Variants in ASXL3 observed in about 807,000 individuals in gnomAD.
ASXL3 encodes putative Polycomb group protein ASXL3.
ASXL3 carries 34 observed loss-of-function variants against 170.6 expected under a neutral mutation model. The observed-to-expected ratio is 0.20, with a 90% CI of 0.15 to 0.27. The LOEUF (loss-of-function observed/expected upper bound fraction) is 0.27. ASXL3 is among the 10% of genes least tolerant of loss of function. The pLI, the probability that ASXL3 is intolerant of heterozygous loss-of-function variation, is 1.00. For missense variants in ASXL3, 2,592 were observed against 2,695.3 expected, an observed-to-expected ratio of 0.96 and a Z score of 0.85; for synonymous variants, 1,002 against 989.1, an observed-to-expected ratio of 1.01 and a Z score of -0.24.
chr18:33,722,084 C>T (rs1371128859), intron 8 of ASXL3, among the ~76,000 whole-genome samples: 1 of 152,018 alleles, frequency 6.6e-6, no homozygotes, highest in Non-Finnish European at 1.5e-5. Flanking sequence ...TAAATGTGTT[C>T]CGACTGTTTA....
rs1398025678 is a variant in ASXL3 at position 33,661,666 on chromosome 18, C to G, written c.406C>G (p.Leu136Val). 1.2e-6 allele frequency: 2 copies of G among 1,612,568 alleles called. No homozygotes were observed. The highest frequency in any genetic ancestry group is 1.7e-6 in the Non-Finnish European group (2 of 1,179,176). ...AGCATCTTCCACTCGAGATTCAAGCCTTACTAACACAGCAGTGCAAAGCAA... is the reference window on the plus strand; with the variant it reads ...AGCATCTTCCACTCGAGATTCAAGCGTTACTAACACAGCAGTGCAAAGCAA... The part of the protein sequence containing the change: ...DEASSTRDSS[L>V]TNTAVQSKLV... Residue 136 changes from leucine (L) to valine (V), a missense_variant, in exon 5 of 12, where the codon CTT becomes GTT. Transcript: ENST00000269197.
intron 8 of ASXL3, among the ~76,000 whole-genome samples, chr18:33,729,024 A>G (rs1448906548): frequency 6.6e-6 from 1 of 152,160 alleles, no homozygotes; most frequent in East Asian, 1.9e-4. Context: ...GGCCTATGGT[A>G]CATTTACTGG....
chr18:33,610,139 CT>C (rs1032463174), intron 2 of ASXL3, among the ~76,000 whole-genome samples: 2 of 151,980 alleles, frequency 1.3e-5, no homozygotes, highest in African/African-American at 4.8e-5. Flanking sequence ...TGTTTTGTTA[CT>C]TTCCAAGTTT....
rs1403049108 is a variant in ASXL3 at position 33,646,412 on chromosome 18, C to A, written c.355+59C>A. 22 of 1,203,148 alleles carry A rather than the reference C, an allele frequency of 1.8e-5. No individual in the cohort carries two copies. In the Admixed American group the frequency reaches 4.5e-4, roughly 24 times the overall value. The allele number at this position is 1,203,148 out of a possible 1,614,324, so 74.5% of individuals were successfully genotyped here. On this transcript the variant is annotated intron_variant, in intron 4 of 11. Transcript: ENST00000269197. ...GTTCTCTTAAAAGTTATATAGAATG[C>A]CAATGATTCATTAATTGAATTTCCC...
Position 33,744,318 on chromosome 18 carries a change from C to T in ASXL3, c.4470C>T (p.Ser1490=), listed in dbSNP as rs185893902. ...TLTSSLSLTV[S]VESSEASLDL... Reference sequence around the variant, plus strand: ...CCTCCAGTTTGTCTCTGACTGTCTCCGTTGAAAGCTCAGAAGCCAGCTTGG... The same window carrying T: ...CCTCCAGTTTGTCTCTGACTGTCTCTGTTGAAAGCTCAGAAGCCAGCTTGG... The change falls in exon 12 of 12, where the codon TCC becomes TCT. Residue 1490 remains serine (S), a synonymous_variant. Coordinates refer to ENST00000269197, the MANE Select transcript of ASXL3 (RefSeq NM_030632.3). 7.0e-4 allele frequency: 1,123 copies of T among 1,613,966 alleles called. No homozygotes were observed. The highest frequency in any genetic ancestry group is 8.9e-4 in the Non-Finnish European group (1,047 of 1,179,890).
At chr18:33,640,789 A>G (rs2145191773) in intron 2 of ASXL3, among the ~76,000 whole-genome samples, 2 of 152,090 alleles carry the variant, frequency 1.3e-5, no homozygotes, top group East Asian at 3.9e-4. Flanking sequence ...GTTTATATTA[A>G]TTTATATTAA....
At chr18:33,596,022 GTCT>G (rs1005083089) in intron 1 of ASXL3, among the ~76,000 whole-genome samples, 6 of 151,882 alleles carry the variant, frequency 4.0e-5, no homozygotes, top group Non-Finnish European at 7.4e-5. Context: ...TCAATTCATT[GTCT>G]TCTTTTTTTT....
chr18:33,655,656 A>G (rs1396801296), intron 4 of ASXL3, among the ~76,000 whole-genome samples: 1 of 152,074 alleles, frequency 6.6e-6, no homozygotes, highest in Non-Finnish European at 1.5e-5. Context: ...GAGTTCAGGA[A>G]TGGTTTAATT....
At chr18:33,656,382 CCTT>C (rs1277024415) in intron 4 of ASXL3, among the ~76,000 whole-genome samples, 9 of 152,026 alleles carry the variant, frequency 5.9e-5, no homozygotes, top group Admixed American at 5.9e-4. Context: ...CTGCACCCCT[CCTT>C]GTCTTTATTA....
rs2065896444 is a variant in ASXL3 at position 33,644,878 on chromosome 18, CA to C, written c.138-15del. ...TACCTCAGACTGCTTCATTTTTGCACACTTTTATTTTCTAGTGGAACCTCTC... is the reference window on the plus strand; with the variant it reads ...TACCTCAGACTGCTTCATTTTTGCACCTTTTATTTTCTAGTGGAACCTCTC... On this transcript the variant is annotated splice_polypyrimidine_tract_variant and intron_variant, in intron 2 of 11. Coordinates refer to ENST00000269197, the MANE Select transcript of ASXL3 (RefSeq NM_030632.3). The C allele has an allele frequency of 6.6e-7, 1 of 1,509,760 alleles. No homozygotes were observed. The highest frequency in any genetic ancestry group is 1.2e-5 in the South Asian group (1 of 81,432). 93.5% of individuals were successfully genotyped at this position (1,509,760 alleles called of 1,614,324 possible).
intron 2 of ASXL3, among the ~76,000 whole-genome samples, chr18:33,611,187 T>C (rs1333663832): frequency 6.6e-6 from 1 of 152,066 alleles, no homozygotes; most frequent in African/African-American, 2.4e-5. Flanking sequence ...CATCTTCATA[T>C]TATTGATGAA....
intron 8 of ASXL3, among the ~76,000 whole-genome samples, chr18:33,712,470 C>T (rs1224641584): frequency 1.3e-5 from 2 of 152,146 alleles, no homozygotes; most frequent in Admixed American, 6.6e-5. Context: ...AGGAGCCAGT[C>T]ATTTAATCTC....
chr18:33,686,282 C>A (rs2066595855), intron 8 of ASXL3, among the ~76,000 whole-genome samples: 1 of 152,138 alleles, frequency 6.6e-6, no homozygotes, highest in South Asian at 2.1e-4. Flanking sequence ...GGAAGAATAA[C>A]AGAAGGGAGA....
chr18:33,707,434 T>TAAA (rs2066979631), intron 8 of ASXL3, among the ~76,000 whole-genome samples: 2 of 151,962 alleles, frequency 1.3e-5, no homozygotes, highest in Non-Finnish European at 2.9e-5. Context: ...AGTACATCAT[T>TAAA]TGATCAATTT....
Position 33,679,977 on chromosome 18 carries a change from T to C in ASXL3, c.716-3428T>C, listed in dbSNP as rs2066489062. On this transcript the variant is annotated intron_variant, in intron 7 of 11. Transcript: ENST00000269197. ...GTTGATGGTTTTCATTATTCTTTTC[T>C]GTTTAACGAATGTCTGCTTTTTTCT... Among the ~76,000 whole-genome samples the C allele has an allele frequency of 2.0e-5, 3 of 152,004 alleles. No homozygotes were observed. The South Asian group carries it at 6.2e-4, about 31-fold the overall frequency.
chr18:33,665,943 A>G (rs1232757559), intron 5 of ASXL3, among the ~76,000 whole-genome samples: 2 of 152,092 alleles, frequency 1.3e-5, no homozygotes, highest in East Asian at 1.9e-4. Flanking sequence ...TGAAAAGTGC[A>G]TTTATTTCTA....
chr18:33,649,311 G>A (rs956288863), intron 4 of ASXL3, among the ~76,000 whole-genome samples: 5 of 152,098 alleles, frequency 3.3e-5, no homozygotes, highest in Non-Finnish European at 5.9e-5. Context: ...TAGGAAAAGC[G>A]AGGGTGTTTC....
chr18:33,604,987 A>G (rs1267246967), intron 1 of ASXL3, among the ~76,000 whole-genome samples: 3 of 152,044 alleles, frequency 2.0e-5, no homozygotes, highest in African/African-American at 7.2e-5. Flanking sequence ...AAATACTTGT[A>G]GGTATTTGCA....
At chr18:33,658,762 T>C (rs1048996208) in intron 4 of ASXL3, among the ~76,000 whole-genome samples, 3 of 152,184 alleles carry the variant, frequency 2.0e-5, no homozygotes, top group East Asian at 3.9e-4. Flanking sequence ...GAAAATTGAC[T>C]ACCTAGGACA....
Sources: gnomAD v4.1 joint callset for allele counts (sites outside exome capture counted in the v4.1 genomes callset) on GRCh38, gnomAD v4.1.1 for gene constraint, MANE v1.5 for transcripts, NCBI Gene and HGNC (gene_info 2026-07-23, HGNC 2026-07-21) for gene names.